Variants in GPHN observed in about 807,000 individuals in gnomAD.
The protein encoded by GPHN is gephyrin.
A neutral mutation model predicts 95.5 loss-of-function variants in GPHN; 17 were observed. The observed-to-expected ratio is 0.18, with a 90% CI of 0.12 to 0.27. The LOEUF (loss-of-function observed/expected upper bound fraction) is 0.27, where lower values mean the gene tolerates loss of function less well. Ranked by LOEUF, GPHN falls within the 10% of genes least tolerant of loss-of-function variation. The pLI is 1.00. For missense variants in GPHN, 660 were observed against 978.1 expected (o/e 0.67, Z 4.34); for synonymous variants, 320 against 322.5 (o/e 0.99, Z 0.08).
Position 67,100,905 on chromosome 14 carries a change from T to G in GPHN, c.1287T>G (p.Gly429=). 6.3e-7 allele frequency: 1 copy of G among 1,590,314 alleles called. No individual in the cohort carries two copies. Among genetic ancestry groups the G allele is most frequent in the Non-Finnish European group, 8.6e-7 (1 of 1,158,262 alleles). Residue 429 remains glycine (G), a synonymous_variant, in exon 13 of 23, where the codon GGT becomes GGG. Coordinates refer to ENST00000478722, the MANE Select transcript of GPHN (RefSeq NM_020806.5). The part of the protein sequence containing the change: ...DRFIIGESQA[G]EQPTQTVMPG... ...TCATCATTGGGGAATCCCAAGCTGG[T>G]GAACAGGTGAGATTGATAGGCCTGA...
rs760266445 is a variant in GPHN at position 67,058,656 on chromosome 14, T to C, written c.1014T>C (p.Ser338=). 2.1e-5 allele frequency: 34 copies of C among 1,613,020 alleles called. No homozygotes were observed. The South Asian group carries it at 3.5e-4, about 17-fold the overall frequency. Residue 338 remains serine, a synonymous_variant, in exon 11 of 23, where the codon AGT becomes AGC. Transcript: ENST00000478722. Reference sequence around the variant, plus strand: ...AATTATCTTACTGTTTAGGTCACAGTGCTGTCGATATCACCAAGGTGGCTA... The same window carrying C: ...AATTATCTTACTGTTTAGGTCACAGCGCTGTCGATATCACCAAGGTGGCTA... The part of the protein sequence containing the change: ...SKENILRASH[S]AVDITKVARR...
chr14:67,035,275 A>G (rs1218216760), intron 10 of GPHN, among the ~76,000 whole-genome samples: 1 of 151,988 alleles, frequency 6.6e-6, no homozygotes, highest in Non-Finnish European at 1.5e-5. Flanking sequence ...TATTAGTGGC[A>G]TGTACTTTAA....
chr14:67,042,533 G>T (rs2074764027), intron 10 of GPHN, among the ~76,000 whole-genome samples: 1 of 152,144 alleles, frequency 6.6e-6, no homozygotes, highest in Admixed American at 6.6e-5. Context: ...AACATCACAT[G>T]GTTGTAGATG....
chr14:66,980,067 C>G (rs1181216673), intron 9 of GPHN, among the ~76,000 whole-genome samples: 1 of 152,066 alleles, frequency 6.6e-6, no homozygotes, highest in Non-Finnish European at 1.5e-5. Context: ...AAAGTAGCAT[C>G]AAAGATCGCT....
chr14:67,268,049 T>A, the GPHN span, among the ~76,000 whole-genome samples: 1 of 152,210 alleles, frequency 6.6e-6, no homozygotes, highest in African/African-American at 2.4e-5. Flanking sequence ...TACAAATCTT[T>A]CTTTGTGATT....
intron 1 of GPHN, among the ~76,000 whole-genome samples, chr14:66,633,852 A>G (rs973608876): frequency 6.6e-6 from 1 of 152,060 alleles, no homozygotes; most frequent in African/African-American, 2.4e-5. Flanking sequence ...AAAGATTTAA[A>G]TGTATGACTT....
chr14:67,194,393 G>T, the GPHN span, among the ~76,000 whole-genome samples: 1 of 151,890 alleles, frequency 6.6e-6, no homozygotes. Context: ...CTAGTAAATA[G>T]TTAATGTACT....
intron 10 of GPHN, 120 bp downstream of exon 10, chr14:67,023,795 T>A (rs2073787017): frequency 2.5e-6 from 2 of 788,326 alleles, no homozygotes; most frequent in Admixed American, 4.0e-5. Flanking sequence ...AATATGAATA[T>A]TAGGGCTTTT....
At chr14:66,619,489 T>TG (rs2063194700) in intron 1 of GPHN, among the ~76,000 whole-genome samples, 1 of 74,782 alleles carries the variant, frequency 1.3e-5, no homozygotes, top group South Asian at 4.5e-4. Context: ...TATTCTCAGG[T>TG]TTTTTTTTTT....
At chr14:66,520,168 G>C (rs888407085) in intron 1 of GPHN, among the ~76,000 whole-genome samples, 3 of 152,030 alleles carry the variant, frequency 2.0e-5, no homozygotes, top group African/African-American at 7.2e-5. Context: ...AGATGTTGTA[G>C]ATAATAATAT....
At chr14:67,499,106 A>T in the GPHN span, among the ~76,000 whole-genome samples, 1 of 152,062 alleles carries the variant, frequency 6.6e-6, no homozygotes, top group Non-Finnish European at 1.5e-5. Flanking sequence ...GGGTTCAAGC[A>T]ATCTTCCTGC....
At chr14:66,581,148 G>A (rs1387329513) in intron 1 of GPHN, among the ~76,000 whole-genome samples, 4 of 150,912 alleles carry the variant, frequency 2.7e-5, no homozygotes, top group African/African-American at 9.7e-5. Context: ...GGTATAGAGG[G>A]AATGTACCTG....
At chr14:67,176,800 C>T (rs1459978947) in intron 21 of GPHN, among the ~76,000 whole-genome samples, 2 of 152,098 alleles carry the variant, frequency 1.3e-5, no homozygotes, top group Non-Finnish European at 2.9e-5. Flanking sequence ...CTGGTTTAGT[C>T]TTGGGAGGGT....
At chr14:67,726,487 A>T in the GPHN span, among the ~76,000 whole-genome samples, 1 of 152,220 alleles carries the variant, frequency 6.6e-6, no homozygotes, top group Admixed American at 6.5e-5. Flanking sequence ...GAGGGGTCAC[A>T]TCTACATGAT....
At chr14:66,801,532 A>T (rs1178624457) in intron 3 of GPHN, among the ~76,000 whole-genome samples, 1 of 151,898 alleles carries the variant, frequency 6.6e-6, no homozygotes, top group Non-Finnish European at 1.5e-5. Flanking sequence ...CCCAAAAAAA[A>T]TGAGTCTTCT....
intron 1 of GPHN, among the ~76,000 whole-genome samples, chr14:66,559,785 T>C (rs1168455987): frequency 1.3e-5 from 2 of 152,006 alleles, no homozygotes; most frequent in African/African-American, 2.4e-5. Flanking sequence ...TGCCATTGCT[T>C]TTGGTGTTTT....
chr14:66,550,153 A>G (rs2059759317), intron 1 of GPHN, among the ~76,000 whole-genome samples: 1 of 152,244 alleles, frequency 6.6e-6, no homozygotes, highest in Non-Finnish European at 1.5e-5. Context: ...TAGCTACCAT[A>G]GATAGTAATT....
the GPHN span, among the ~76,000 whole-genome samples, chr14:67,552,668 A>G: frequency 5.9e-5 from 9 of 152,058 alleles, no homozygotes; most frequent in South Asian, 6.2e-4. Flanking sequence ...TCGGGAGGCT[A>G]AGGCAGGAGA....
chr14:67,358,695 AAAAC>A, the GPHN span, among the ~76,000 whole-genome samples: 1 of 152,186 alleles, frequency 6.6e-6, no homozygotes. Context: ...GTCTCTTATT[AAAAC>A]AAACAAACAA....
Sources: gnomAD v4.1 joint callset for allele counts (sites outside exome capture counted in the v4.1 genomes callset) on GRCh38, gnomAD v4.1.1 for gene constraint, MANE v1.5 for transcripts, NCBI Gene and HGNC (gene_info 2026-07-23, HGNC 2026-07-21) for gene names.